GRM8: variants seen among roughly 807,000 people sequenced by gnomAD.
GRM8 encodes the protein metabotropic glutamate receptor 8.
Under a neutral mutation model 87.2 loss-of-function variants are expected in GRM8, and 47 were observed. The ratio of observed to expected loss-of-function variants is 0.54; its 90% CI spans 0.43 to 0.69. The LOEUF is 0.69. Among genes scored for constraint, GRM8 ranks in the 30% least tolerant of loss-of-function variants. The pLI is 0.00. For missense variants in GRM8, 1,019 were observed against 1,139.2 expected, an observed-to-expected ratio of 0.89 and a Z score of 1.52; for synonymous variants, 396 against 404.5, an observed-to-expected ratio of 0.98 and a Z score of 0.25.
At chr7:127,198,753 G>A (rs1037658365) in intron 2 of GRM8, among the ~76,000 whole-genome samples, 10 of 151,074 alleles carry the variant, frequency 6.6e-5, no homozygotes, top group Admixed American at 5.9e-4. Context: ...ATAGCTCACT[G>A]TAACCTCAAA....
chr7:126,518,161 A>G (rs889547644), intron 9 of GRM8, among the ~76,000 whole-genome samples: 4 of 152,198 alleles, frequency 2.6e-5, no homozygotes, highest in Admixed American at 2.6e-4. Context: ...CAGTATGAGG[A>G]AAACGTGGTA....
At chr7:126,814,445 C>T (rs999115009) in intron 6 of GRM8, among the ~76,000 whole-genome samples, 1 of 152,026 alleles carries the variant, frequency 6.6e-6, no homozygotes, top group East Asian at 1.9e-4. Flanking sequence ...ATATTCTATA[C>T]AACTGGAAGG....
chr7:127,103,295 T>C (rs1444863643), intron 3 of GRM8, among the ~76,000 whole-genome samples: 1 of 152,234 alleles, frequency 6.6e-6, no homozygotes, highest in African/African-American at 2.4e-5. Flanking sequence ...TCCCCAGTGA[T>C]GGAGGCAGGG....
chr7:126,527,778 T>C (rs189546379), intron 9 of GRM8, among the ~76,000 whole-genome samples: 1 of 152,350 alleles, frequency 6.6e-6, no homozygotes, highest in Admixed American at 6.5e-5. Flanking sequence ...GTTAAATATT[T>C]GAAGGCAGGT....
intron 2 of GRM8, among the ~76,000 whole-genome samples, chr7:127,161,582 A>T: frequency 6.6e-6 from 1 of 152,322 alleles, no homozygotes; most frequent in African/African-American, 2.4e-5. Context: ...GTGCGCATGC[A>T]TGTGTACAGT....
At chr7:127,118,579 T>C (rs998070566) in intron 2 of GRM8, among the ~76,000 whole-genome samples, 1 of 152,220 alleles carries the variant, frequency 6.6e-6, no homozygotes, top group African/African-American at 2.4e-5. Context: ...ATTTAACATG[T>C]TATATTGGCC....
chr7:126,833,801 C>CT (rs754209864), intron 6 of GRM8, among the ~76,000 whole-genome samples: 1 of 152,118 alleles, frequency 6.6e-6, no homozygotes, highest in Non-Finnish European at 1.5e-5. Context: ...GGTCATCAAC[C>CT]TTTAGGGTGC....
chr7:126,662,839 TG>T (rs1397328268), intron 7 of GRM8, among the ~76,000 whole-genome samples: 1 of 152,134 alleles, frequency 6.6e-6, no homozygotes, highest in Non-Finnish European at 1.5e-5. Flanking sequence ...TGTTGATGGA[TG>T]GGGTGTTGCT....
chr7:127,225,393 ATGG>A (rs900959631), intron 2 of GRM8, among the ~76,000 whole-genome samples: 11 of 152,114 alleles, frequency 7.2e-5, no homozygotes, highest in African/African-American at 2.2e-4. Context: ...CACCTTCAGC[ATGG>A]TGGAGTTTCC....
intron 3 of GRM8, among the ~76,000 whole-genome samples, chr7:126,920,533 C>T (rs1804410304): frequency 6.6e-6 from 1 of 152,130 alleles, no homozygotes; most frequent in Admixed American, 6.6e-5. Flanking sequence ...AGAAACAAAG[C>T]TGGTGTTCTA....
At position 127,242,955 on chromosome 7, in the gene GRM8, C is replaced by A. The variant is rs1798393458; in HGVS notation, c.250G>T (p.Asp84Tyr). 1.9e-6 allele frequency: 3 copies of A among 1,614,126 alleles called. No individual in the cohort carries two copies. The highest frequency in any genetic ancestry group is 1.3e-5 in the African/African-American group (1 of 75,036). ...HRLEAMLYAIDQINKDPDLLS... is the reference protein window; with the variant it reads ...HRLEAMLYAIYQINKDPDLLS... ...AGATCAGGGTCCTTGTTAATCTGGTCAATTGCATAAAGCATGGCCTCCAGT... is the reference window on the plus strand; with the variant it reads ...AGATCAGGGTCCTTGTTAATCTGGTAAATTGCATAAAGCATGGCCTCCAGT... Residue 84 changes from aspartate to tyrosine, a missense_variant, in exon 2 of 11, where the codon GAC becomes TAC. Coordinates refer to ENST00000339582, the MANE Select transcript of GRM8 (RefSeq NM_000845.3).
At chr7:126,801,797 G>C (rs1822735824) in intron 6 of GRM8, among the ~76,000 whole-genome samples, 1 of 152,054 alleles carries the variant, frequency 6.6e-6, no homozygotes, top group Non-Finnish European at 1.5e-5. Flanking sequence ...GTTGCAGAGG[G>C]AAGAGAGGCC....
rs111486971 is a variant in GRM8 at position 126,829,108 on chromosome 7, A to T, written c.1157-59043T>A. Among the ~76,000 whole-genome samples, 11 of 150,956 alleles carry T rather than the reference A, an allele frequency of 7.3e-5. No individual in the cohort carries two copies. In the East Asian group the frequency reaches 1.9e-3, roughly 27 times the overall value. ...CTGTTCTTTTACATTTGCTGAGGAG[A>T]GCTTTACTTCCAACTATGCGGTCAA... is the stretch of plus-strand genomic sequence containing the variant. On this transcript the variant is annotated intron_variant, in intron 6 of 10. Coordinates refer to ENST00000339582, the MANE Select transcript of GRM8 (RefSeq NM_000845.3).
chr7:126,734,965 A>G (rs1196313707), intron 7 of GRM8, among the ~76,000 whole-genome samples: 1 of 152,026 alleles, frequency 6.6e-6, no homozygotes, highest in Admixed American at 6.6e-5. Flanking sequence ...TTTAGTAGAG[A>G]GTTGGTAGTA....
intron 3 of GRM8, among the ~76,000 whole-genome samples, chr7:127,021,052 T>C (rs573667562): frequency 1.3e-5 from 2 of 152,040 alleles, no homozygotes; most frequent in Non-Finnish European, 2.9e-5. Flanking sequence ...TTTTAAATGC[T>C]TACAAGGAAT....
chr7:127,031,331 T>C (rs948461102), intron 3 of GRM8, among the ~76,000 whole-genome samples: 1 of 152,140 alleles, frequency 6.6e-6, no homozygotes, highest in Non-Finnish European at 1.5e-5. Flanking sequence ...ATCTGCAAAT[T>C]TGACAAACAT....
chr7:126,446,359 G>T lies in GRM8; in HGVS notation c.2444C>A (p.Thr815Lys), dbSNP rs145269034. ...AQSAEKMYIQTTTLTVSMSLS... is the reference protein window; with the variant it reads ...AQSAEKMYIQKTTLTVSMSLS... ...ACTCATGGAGACAGTAAGTGTTGTT[G>T]TCTGGATGTACATCTGAGGGAAGAA... The change falls in exon 10 of 11, where the codon ACA becomes AAA. Residue 815 changes from threonine to lysine, a missense_variant. Physicochemically the swap from Thr to Lys is moderately conservative, Grantham distance 78. Transcript: ENST00000339582. 6.9e-6 allele frequency: 11 copies of T among 1,602,824 alleles called. No homozygotes were observed. Among genetic ancestry groups the T allele is most frequent in the Admixed American group, 1.7e-5 (1 of 59,398 alleles).
chr7:126,875,014 T>A (rs1036508878), intron 6 of GRM8, among the ~76,000 whole-genome samples: 2 of 152,116 alleles, frequency 1.3e-5, no homozygotes, highest in African/African-American at 2.4e-5. Context: ...TCTATTAAAC[T>A]GCTTATTAAA....
At chr7:126,460,250 A>C (rs1803744403) in intron 9 of GRM8, among the ~76,000 whole-genome samples, 1 of 151,568 alleles carries the variant, frequency 6.6e-6, no homozygotes, top group Non-Finnish European at 1.5e-5. Context: ...ATCCATACAT[A>C]TGGTGACCTC....
Sources: allele counts gnomAD v4.1 joint callset (sites outside exome capture counted in the v4.1 genomes callset), GRCh38; gene constraint gnomAD v4.1.1; transcripts MANE v1.5; gene names NCBI Gene and HGNC (gene_info 2026-07-23, HGNC 2026-07-21).